GSK3B: variants seen among roughly 807,000 people sequenced by gnomAD.
GSK3B encodes the protein glycogen synthase kinase-3 beta.
A neutral mutation model predicts 56.4 loss-of-function variants in GSK3B; 15 were observed. The observed-to-expected ratio is 0.27, with a 90% CI of 0.18 to 0.41. The LOEUF (loss-of-function observed/expected upper bound fraction) is 0.41. GSK3B is among the 10% of genes least tolerant of loss of function. The pLI, the probability that GSK3B is intolerant of heterozygous loss-of-function variation, is 1.00. For synonymous variants in GSK3B, 181 were observed against 188.9 expected (o/e 0.96, Z 0.34); for missense variants, 300 against 513.4 (o/e 0.58, Z 4.02).
At chr3:120,057,428 T>C (rs1304598358) in intron 1 of GSK3B, among the ~76,000 whole-genome samples, 1 of 152,086 alleles carries the variant, frequency 6.6e-6, no homozygotes, top group East Asian at 1.9e-4. Flanking sequence ...AGAACATAGG[T>C]AAAGTTCTGC....
At chr3:119,995,236 A>G (rs571502418) in intron 2 of GSK3B, among the ~76,000 whole-genome samples, 1 of 151,782 alleles carries the variant, frequency 6.6e-6, no homozygotes, top group East Asian at 1.9e-4. Flanking sequence ...TGGGAGGCTG[A>G]GGTAGGAGAA....
chr3:120,080,477 G>A (rs953681035), intron 1 of GSK3B, among the ~76,000 whole-genome samples: 2 of 152,042 alleles, frequency 1.3e-5, no homozygotes, highest in Non-Finnish European at 2.9e-5. Flanking sequence ...CTCTAGAACT[G>A]ACATACTAAC....
intron 1 of GSK3B, among the ~76,000 whole-genome samples, chr3:120,070,598 C>CA (rs1435258867): frequency 6.6e-6 from 1 of 151,902 alleles, no homozygotes; most frequent in Non-Finnish European, 1.5e-5. Context: ...AAATCTCACT[C>CA]AAAAAGCACT....
chr3:119,869,412 GT>G (rs1275491499), intron 8 of GSK3B, among the ~76,000 whole-genome samples: 1 of 152,050 alleles, frequency 6.6e-6, no homozygotes, highest in Admixed American at 6.5e-5. Context: ...TATCTATGAA[GT>G]TGGCATCTAA....
chr3:120,084,955 C>T (rs1397667289), intron 1 of GSK3B, among the ~76,000 whole-genome samples: 1 of 152,116 alleles, frequency 6.6e-6, no homozygotes, highest in African/African-American at 2.4e-5. Flanking sequence ...TGTATGTATA[C>T]ACAAAATGCA....
At chr3:119,982,715 A>T (rs2057475693) in intron 2 of GSK3B, among the ~76,000 whole-genome samples, 2 of 152,344 alleles carry the variant, frequency 1.3e-5, no homozygotes, top group African/African-American at 4.8e-5. Context: ...CTATGTGAAA[A>T]GACCAAATCT....
chr3:120,044,625 G>C (rs2058088404), intron 1 of GSK3B, among the ~76,000 whole-genome samples: 1 of 152,170 alleles, frequency 6.6e-6, no homozygotes, highest in Admixed American at 6.6e-5. Context: ...TGCAGGATTT[G>C]AATCATTGCC....
chr3:120,042,468 A>T (rs1439732184), intron 1 of GSK3B, among the ~76,000 whole-genome samples: 1 of 152,192 alleles, frequency 6.6e-6, no homozygotes, highest in Non-Finnish European at 1.5e-5. Flanking sequence ...TGATAAACAA[A>T]CTATAAAAGA....
At chr3:119,932,914 A>T (rs144997113) in intron 3 of GSK3B, among the ~76,000 whole-genome samples, 3,923 of 152,204 alleles carry the variant, frequency 0.026, 174 homozygotes, top group African/African-American at 0.088. Context: ...CTTGGCCAAC[A>T]TGATGAAACC....
chr3:119,899,928 C>T (rs2056609379), intron 7 of GSK3B, among the ~76,000 whole-genome samples: 1 of 151,986 alleles, frequency 6.6e-6, no homozygotes, highest in Non-Finnish European at 1.5e-5. Context: ...GCTCCCATAG[C>T]ACAATCAAAA....
intron 1 of GSK3B, among the ~76,000 whole-genome samples, chr3:120,088,636 A>C (rs1039782318): frequency 1.3e-4 from 20 of 151,990 alleles, no homozygotes; most frequent in Admixed American, 3.9e-4. Flanking sequence ...CCACCACCCC[A>C]CACACACACA....
chr3:119,995,510 G>C (rs966456696), intron 2 of GSK3B, among the ~76,000 whole-genome samples: 8 of 151,926 alleles, frequency 5.3e-5, no homozygotes, highest in Non-Finnish European at 7.4e-5. Flanking sequence ...CTGTCACCAG[G>C]CTGGAGTGCA....
At chr3:120,085,594 G>C (rs1194986132) in intron 1 of GSK3B, among the ~76,000 whole-genome samples, 1 of 152,306 alleles carries the variant, frequency 6.6e-6, no homozygotes, top group African/African-American at 2.4e-5. Flanking sequence ...GAGGTCAGGA[G>C]TTCAGGACTA....
intron 2 of GSK3B, among the ~76,000 whole-genome samples, chr3:119,963,422 C>T (rs928868032): frequency 2.6e-5 from 4 of 151,588 alleles, no homozygotes; most frequent in African/African-American, 9.7e-5. Flanking sequence ...AGGCATCACA[C>T]TCCTCATTTC....
At chr3:119,954,302 T>TAGAATAGAATAGAATAGAAA (rs1559851402) in intron 2 of GSK3B, among the ~76,000 whole-genome samples, 3 of 96,926 alleles carry the variant, frequency 3.1e-5, no homozygotes, top group Non-Finnish European at 6.7e-5. Context: ...TAGAATAGAA[T>TAGAATAGAATAGAATAGAAA]AGAAAAGAAA....
At chr3:119,883,111 C>T (rs1194510539) in intron 7 of GSK3B, among the ~76,000 whole-genome samples, 4 of 152,148 alleles carry the variant, frequency 2.6e-5, no homozygotes, top group Non-Finnish European at 5.9e-5. Flanking sequence ...AACAGAGATC[C>T]TAACATTACA....
At chr3:120,000,918 C>CTTTTTTTTTTTTTTTTTTTTTT (rs71156781) in intron 2 of GSK3B, among the ~76,000 whole-genome samples, 1 of 91,054 alleles carries the variant, frequency 1.1e-5, no homozygotes, top group African/African-American at 4.3e-5. Flanking sequence ...ATGTAATCTC[C>CTTTTTTTTTTTTTTTTTTTTTT]TTTTTTTTTT....
intron 1 of GSK3B, among the ~76,000 whole-genome samples, chr3:120,045,735 C>A (rs558536510): frequency 1.5e-3 from 232 of 152,304 alleles, no homozygotes; most frequent in Middle Eastern, 3.4e-3. Flanking sequence ...CACTTTGCAG[C>A]ACCAAGCATT....
At chr3:119,958,534 TG>T (rs1279351278) in intron 2 of GSK3B, among the ~76,000 whole-genome samples, 2 of 151,864 alleles carry the variant, frequency 1.3e-5, no homozygotes, top group African/African-American at 4.8e-5. Flanking sequence ...ATAAATTAGC[TG>T]GGCATGGTGA....
Sources: allele counts gnomAD v4.1 joint callset (sites outside exome capture counted in the v4.1 genomes callset), GRCh38; gene constraint gnomAD v4.1.1; transcripts MANE v1.5; gene names NCBI Gene and HGNC (gene_info 2026-07-23, HGNC 2026-07-21).